The following SLC24A3 variants were observed in gnomAD, a reference collection of about 807,000 sequenced individuals.
SLC24A3 encodes solute carrier family 24 member 3.
A neutral mutation model predicts 75.8 loss-of-function variants in SLC24A3; 28 were observed. The ratio of observed to expected loss-of-function variants is 0.37; its 90% confidence interval spans 0.27 to 0.51. The LOEUF (loss-of-function observed/expected upper bound fraction) is 0.51. SLC24A3 is among the 20% of genes least tolerant of loss of function. The probability of loss-of-function intolerance (pLI) is 0.94; values close to 1 mark genes in which losing one functional copy is unlikely to be tolerated. For missense variants in SLC24A3, 663 were observed against 847.8 expected (o/e 0.78, Z 2.71); for synonymous variants, 372 against 334.1 (o/e 1.11, Z -1.24).
At chr20:19,701,899 T>G (rs978543605) in intron 15 of SLC24A3, among the ~76,000 whole-genome samples, 2 of 152,172 alleles carry the variant, frequency 1.3e-5, no homozygotes, top group African/African-American at 2.4e-5. Context: ...CCAGGATGAC[T>G]CTCCAGTGAG....
Position 19,239,164 on chromosome 20 carries a change from C to T in SLC24A3, c.142+26180C>T, listed in dbSNP as rs999565761. On this transcript the variant is annotated intron_variant, in intron 1 of 16. Transcript: ENST00000328041. ...CAACACAGAGTAAGAATGAGTCTTT[C>T]CAAAATTACTGTGTCTTGGGCCAGG... is the stretch of plus-strand genomic sequence containing the variant. 4.0e-5 allele frequency among the ~76,000 whole-genome samples: 6 copies of T among 151,352 alleles called. No homozygotes were observed. The South Asian group carries it at 1.3e-3, about 32-fold the overall frequency.
chr20:19,684,164 T>C lies in SLC24A3; in HGVS notation c.902-12T>C, dbSNP rs1270317084. On this transcript the variant is annotated splice_polypyrimidine_tract_variant and intron_variant, in intron 10 of 16. Coordinates refer to ENST00000328041, the MANE Select transcript of SLC24A3 (RefSeq NM_020689.4). The stretch of plus-strand genomic sequence containing the variant: ...TCCATGTTATTTTACCTTATGTTTT[T>C]CGTTTCCCTAGCAAATTTCCACCGC... 1.9e-6 allele frequency: 3 copies of C among 1,610,752 alleles called. No homozygotes were observed. In the African/African-American group the frequency reaches 4.0e-5, roughly 22 times the overall value.
At chr20:19,670,943 CA>C (rs1233804678) in intron 8 of SLC24A3, among the ~76,000 whole-genome samples, 6 of 152,196 alleles carry the variant, frequency 3.9e-5, no homozygotes, top group Non-Finnish European at 8.8e-5. Context: ...AATGAGACAC[CA>C]GATACCAGGG....
intron 2 of SLC24A3, among the ~76,000 whole-genome samples, chr20:19,428,678 A>C (rs1283384122): frequency 2.6e-5 from 4 of 152,212 alleles, no homozygotes; most frequent in Non-Finnish European, 5.9e-5. Flanking sequence ...GAAGAGAAGC[A>C]GCCCTAGATT....
intron 6 of SLC24A3, among the ~76,000 whole-genome samples, chr20:19,589,430 C>T (rs1029174729): frequency 2.6e-5 from 4 of 152,086 alleles, no homozygotes; most frequent in African/African-American, 9.7e-5. Context: ...TGGGCTCAGG[C>T]GGAGTGGACC....
chr20:19,622,253 T>G, intron 6 of SLC24A3, among the ~76,000 whole-genome samples: 1 of 152,162 alleles, frequency 6.6e-6, no homozygotes, highest in East Asian at 1.9e-4. Flanking sequence ...GGAAGCAATG[T>G]GGAGACCAGA....
chr20:19,473,538 C>T (rs968151924), intron 2 of SLC24A3, among the ~76,000 whole-genome samples: 1 of 152,232 alleles, frequency 6.6e-6, no homozygotes, highest in African/African-American at 2.4e-5. Flanking sequence ...TTTCATCCTA[C>T]AACAATCTGT....
At position 19,322,350 on chromosome 20, in the gene SLC24A3, TTTCC is replaced by T. The variant is rs1485631654; in HGVS notation, c.271+41276_271+41279del. Reference sequence around the variant, plus strand: ...TTATGGATTCATGGATTGAGCCTTCTTTCCTTCCTTCCTTCCCTTCCTTCCTTCC... The same window carrying T: ...TTATGGATTCATGGATTGAGCCTTCTTTCCTTCCTTCCCTTCCTTCCTTCC... On this transcript the variant is annotated intron_variant, in intron 2 of 16. Coordinates refer to ENST00000328041, the MANE Select transcript of SLC24A3 (RefSeq NM_020689.4). Among the ~76,000 whole-genome samples the T allele has an allele frequency of 5.3e-5, 6 of 114,200 alleles. No homozygotes were observed. The East Asian group carries it at 1.6e-3, about 30-fold the overall frequency. The allele number at this position is 114,200 out of a possible 152,430, so 74.9% of individuals were successfully genotyped here.
intron 2 of SLC24A3, among the ~76,000 whole-genome samples, chr20:19,386,342 A>G (rs960588186): frequency 6.6e-6 from 1 of 152,182 alleles, no homozygotes; most frequent in African/African-American, 2.4e-5. Context: ...AGTTTTCTGT[A>G]TCTAAAATCA....
chr20:19,417,504 C>T (rs930511254), intron 2 of SLC24A3, among the ~76,000 whole-genome samples: 3 of 152,180 alleles, frequency 2.0e-5, no homozygotes, highest in Non-Finnish European at 2.9e-5. Flanking sequence ...ATCCCTGCTT[C>T]TGCAGGATGG....
intron 2 of SLC24A3, among the ~76,000 whole-genome samples, chr20:19,313,880 T>C (rs1439825387): frequency 6.6e-6 from 1 of 152,156 alleles, no homozygotes; most frequent in Non-Finnish European, 1.5e-5. Context: ...AGAAACTTGT[T>C]TTGCTGCTCC....
intron 3 of SLC24A3, among the ~76,000 whole-genome samples, chr20:19,547,051 C>T (rs1270815200): frequency 6.6e-6 from 1 of 152,232 alleles, no homozygotes; most frequent in Admixed American, 6.5e-5. Flanking sequence ...TGTGTCCTGC[C>T]TGCATGAGCT....
At chr20:19,540,484 G>A (rs1225140008) in intron 3 of SLC24A3, among the ~76,000 whole-genome samples, 1 of 152,154 alleles carries the variant, frequency 6.6e-6, no homozygotes, top group African/African-American at 2.4e-5. Context: ...CCTTGGAAAC[G>A]CAAAAGCTGT....
intron 2 of SLC24A3, among the ~76,000 whole-genome samples, chr20:19,285,866 ATATT>A (rs1163038480): frequency 1.3e-5 from 2 of 152,196 alleles, no homozygotes; most frequent in Non-Finnish European, 2.9e-5. Context: ...ATTCTTTGTA[ATATT>A]TATTTGTGCA....
At chr20:19,715,438 T>A (rs148928607) in intron 15 of SLC24A3, among the ~76,000 whole-genome samples, 1,896 of 152,310 alleles carry the variant, frequency 0.012, 25 homozygotes, top group Non-Finnish European at 0.017. Context: ...CACAGAGATA[T>A]GACTTGAGTC....
chr20:19,678,584 C>T (rs915198967), intron 9 of SLC24A3, among the ~76,000 whole-genome samples: 18 of 145,886 alleles, frequency 1.2e-4, no homozygotes, highest in East Asian at 6.3e-4. Context: ...CCAGTAGGGG[C>T]GGCTGGGCAG....
intron 3 of SLC24A3, among the ~76,000 whole-genome samples, chr20:19,517,296 C>T (rs554476982): frequency 1.6e-4 from 24 of 152,274 alleles, no homozygotes; most frequent in African/African-American, 5.5e-4. Flanking sequence ...CACTCTGGAC[C>T]CAAACACTGC....
chr20:19,269,271 T>G (rs1410839876), intron 1 of SLC24A3, among the ~76,000 whole-genome samples: 1 of 152,240 alleles, frequency 6.6e-6, no homozygotes, highest in Non-Finnish European at 1.5e-5. Context: ...CAGACCTAGA[T>G]TGATCATCAT....
At chr20:19,423,962 C>T (rs947116452) in intron 2 of SLC24A3, among the ~76,000 whole-genome samples, 3 of 152,022 alleles carry the variant, frequency 2.0e-5, no homozygotes, top group African/African-American at 7.3e-5. Flanking sequence ...AGAGTCTTGT[C>T]TGAGATACGT....
Sources: gnomAD v4.1 joint callset for allele counts (sites outside exome capture counted in the v4.1 genomes callset) on GRCh38, gnomAD v4.1.1 for gene constraint, MANE v1.5 for transcripts, NCBI Gene and HGNC (gene_info 2026-07-23, HGNC 2026-07-21) for gene names.